Variants in SYT12 observed in about 807,000 individuals in gnomAD.
SYT12 encodes the protein synaptotagmin-12.
SYT12 carries 27 observed loss-of-function variants against 39.5 expected under a neutral mutation model. That is an observed-to-expected ratio of 0.68 (90% CI 0.50 to 0.94). SYT12 has a LOEUF of 0.94. Among genes scored for constraint, SYT12 ranks in the 40% least tolerant of loss-of-function variants. SYT12 has a pLI of 0.00. For missense variants in SYT12, 536 were observed against 572.6 expected, an observed-to-expected ratio of 0.94 and a Z score of 0.65; for synonymous variants, 233 against 239.7, an observed-to-expected ratio of 0.97 and a Z score of 0.26.
intron 6 of SYT12, among the ~76,000 whole-genome samples, chr11:67,045,042 T>C (rs1950589892): frequency 6.6e-6 from 1 of 151,792 alleles, no homozygotes; most frequent in African/African-American, 2.4e-5. Flanking sequence ...GGGCATCTGT[T>C]CCCTGGAACT....
chr11:67,042,879 G>A (rs1271078927), intron 4 of SYT12, among the ~76,000 whole-genome samples: 5 of 152,024 alleles, frequency 3.3e-5, no homozygotes, highest in Admixed American at 6.6e-5. Flanking sequence ...GGCCGGTGGC[G>A]CTGGGGGATT....
chr11:67,034,768 C>T lies in SYT12; in HGVS notation c.158C>T (p.Pro53Leu), dbSNP rs775757448. ...TCGGGGAGCTTCCCCAGCCCCTCTC[C>T]GTTCCCCAATTACGACTACAGGTAC... ...WTSGSFPSPSPFPNYDYRYLQ... is the reference protein window; with the variant it reads ...WTSGSFPSPSLFPNYDYRYLQ... Residue 53 changes from proline to leucine, a missense_variant, in exon 3 of 8, where the codon CCG becomes CTG. Pro to Leu is a moderately conservative substitution (Grantham distance 98, BLOSUM62 -3). Coordinates refer to ENST00000527043, the MANE Select transcript of SYT12 (RefSeq NM_177963.4). The T allele has an allele frequency of 1.1e-5, 17 of 1,602,906 alleles. No homozygotes were observed. Among genetic ancestry groups the T allele is most frequent in the African/African-American group, 4.0e-5 (3 of 74,126 alleles).
chr11:67,022,104 C>T (rs1465324830), upstream of SYT12, among the ~76,000 whole-genome samples: 8 of 152,106 alleles, frequency 5.3e-5, no homozygotes, highest in Non-Finnish European at 8.8e-5. Flanking sequence ...TTAGTAGAGA[C>T]GGGGTTTCAC....
chr11:67,033,972 A>G (rs769011260), intron 2 of SYT12, among the ~76,000 whole-genome samples: 3 of 152,210 alleles, frequency 2.0e-5, no homozygotes, highest in Non-Finnish European at 4.4e-5. Context: ...GCCTCTGAGC[A>G]TCTGGATTTG....
intron 2 of SYT12, chr11:67,030,595 C>G (rs1472681547): frequency 5.7e-6 from 1 of 176,124 alleles, no homozygotes; most frequent in Non-Finnish European, 1.2e-5. Context: ...AGAGACCACC[C>G]AGTCCAGAGG....
Position 67,034,747 on chromosome 11 carries a change from G to A in SYT12, c.137G>A (p.Gly46Glu), listed in dbSNP as rs747481074. The A allele has an allele frequency of 1.9e-6, 3 of 1,603,412 alleles. No homozygotes were observed. Among genetic ancestry groups the A allele is most frequent in the South Asian group, 2.2e-5 (2 of 89,342 alleles). Residue 46 changes from glycine to glutamate, a missense_variant, in exon 3 of 8, where the codon GGG (glycine) becomes GAG (glutamate). Physicochemically the swap from Gly to Glu is moderately conservative, Grantham distance 98. Transcript: ENST00000527043. ...AGCCTGTGGAAGCTCTGGACGTCGG[G>A]GAGCTTCCCCAGCCCCTCTCCGTTC... Reference protein sequence around the residue: ...AVSLWKLWTSGSFPSPSPFPN... With the variant: ...AVSLWKLWTSESFPSPSPFPN...
rs1189077858 is a variant in SYT12 at position 67,023,444 on chromosome 11, C to T, written c.-40C>T. 6.6e-6 allele frequency: 1 copy of T among 151,026 alleles called. No individual in the cohort carries two copies. The highest frequency in any genetic ancestry group is 1.5e-5 in the Non-Finnish European group (1 of 67,578). 9.4% of individuals were successfully genotyped at this position (151,026 alleles called of 1,614,324 possible). ...GCTGGAGCCCAGCCGGAGCGGCGGC[C>T]CCTCCGCGGAGCCCGGGTGAGTACG... On this transcript the variant is annotated 5_prime_UTR_variant, in exon 1 of 8. Coordinates refer to ENST00000527043, the MANE Select transcript of SYT12 (RefSeq NM_177963.4).
rs766538853 is a variant in SYT12 at position 67,030,130 on chromosome 11, A to C, written c.-15A>C. On this transcript the variant is annotated 5_prime_UTR_variant, in exon 2 of 8. Transcript: ENST00000527043. ...TCTCTTTTCCCTTCCAGTCACAGTC[A>C]CTGCAGCAGACATCATGGCTGTGGA... is the stretch of plus-strand genomic sequence containing the variant. 6 of 1,613,658 alleles carry C rather than the reference A, an allele frequency of 3.7e-6. No homozygotes were observed. Among genetic ancestry groups the C allele is most frequent in the Non-Finnish European group, 5.1e-6 (6 of 1,179,958 alleles).
At chr11:67,027,959 A>C (rs980474891) in intron 1 of SYT12, 1 of 152,188 alleles carries the variant, frequency 6.6e-6, no homozygotes, top group African/African-American at 2.4e-5. Context: ...AGGAGCTAGG[A>C]CCACCTTGGG....
At chr11:67,041,250 T>G (rs1400389080) in intron 4 of SYT12, among the ~76,000 whole-genome samples, 1 of 151,902 alleles carries the variant, frequency 6.6e-6, no homozygotes, top group East Asian at 1.9e-4. Context: ...GGCAGGTGGA[T>G]CACCTGAGGT....
intron 2 of SYT12, chr11:67,032,574 A>G (rs1174973493): frequency 6.6e-6 from 1 of 152,294 alleles, no homozygotes; most frequent in African/African-American, 2.4e-5. Flanking sequence ...AGATGTGCTC[A>G]TTACCCTTCC....
intron 4 of SYT12, among the ~76,000 whole-genome samples, chr11:67,043,331 G>A (rs1389578361): frequency 6.6e-6 from 1 of 152,250 alleles, no homozygotes; most frequent in African/African-American, 2.4e-5. Context: ...ATGCAAGAAA[G>A]ATGGAGACCA....
chr11:67,035,795 TTCCTTCCTTCCTTCCTTCCTTCCTTC>T (rs1565337213), intron 3 of SYT12, among the ~76,000 whole-genome samples: 43 of 42,742 alleles, frequency 1.0e-3, no homozygotes, highest in African/African-American at 4.3e-3. Flanking sequence ...TTTTCTTTCC[TTCCTTCCTTCCTTCCTTCCTTCCTTC>T]CTTCCTTCCT....
intron 2 of SYT12, among the ~76,000 whole-genome samples, chr11:67,010,354 C>T (rs1243077724): frequency 6.6e-6 from 1 of 152,212 alleles, no homozygotes; most frequent in Non-Finnish European, 1.5e-5. Flanking sequence ...GAGCGAGCCA[C>T]CTTGCCCAGG....
chr11:67,040,018 A>G lies in SYT12; in HGVS notation c.436A>G (p.Thr146Ala), dbSNP rs75284419. 8.1e-6 allele frequency: 13 copies of G among 1,613,812 alleles called. No homozygotes were observed. The highest frequency in any genetic ancestry group is 1.3e-5 in the African/African-American group (1 of 75,032). Residue 146 changes from threonine (T) to alanine (A), a missense_variant, in exon 4 of 8, where the codon ACC (threonine) becomes GCC (alanine). Transcript: ENST00000527043. Reference protein sequence around the residue: ...SLNSISSVSNTFGQDFTLGQV... With the variant: ...SLNSISSVSNAFGQDFTLGQV... ...GAACTCCATCTCCTCCGTGAGCAAC[A>G]CCTTTGGGCAGGACTTCACACTGGG...
At chr11:67,024,525 G>C (rs1464668402) in intron 1 of SYT12, among the ~76,000 whole-genome samples, 1 of 152,172 alleles carries the variant, frequency 6.6e-6, no homozygotes, top group African/African-American at 2.4e-5. Flanking sequence ...ACATCTGTAG[G>C]CTGGCAGCGC....
At chr11:67,046,001 C>A in intron 7 of SYT12, 124 bp downstream of exon 7, 1 of 1,327,898 alleles carries the variant, frequency 7.5e-7, no homozygotes, top group Non-Finnish European at 1.0e-6. Context: ...CCATCACTTT[C>A]TAGCAGTTAT....
upstream of SYT12, chr11:67,021,758 T>G (rs1950111710): frequency 6.6e-6 from 1 of 152,110 alleles, no homozygotes; most frequent in African/African-American, 2.4e-5. Flanking sequence ...GTACCAAAGC[T>G]GCAGCTGGCT....
chr11:67,032,982 G>A (rs117125310), intron 2 of SYT12: 4,251 of 152,976 alleles, frequency 0.028, 74 homozygotes, highest in Non-Finnish European at 0.04. Context: ...CTGGGAGGGC[G>A]TCAGGGCTGG....
Sources: gnomAD v4.1 joint callset for allele counts (sites outside exome capture counted in the v4.1 genomes callset) on GRCh38, gnomAD v4.1.1 for gene constraint, MANE v1.5 for transcripts, NCBI Gene and HGNC (gene_info 2026-07-23, HGNC 2026-07-21) for gene names.